The following SYNPR variants were observed in gnomAD, a reference collection of about 807,000 sequenced individuals.
SYNPR encodes the protein synaptoporin.
Under a neutral mutation model 32.9 loss-of-function variants are expected in SYNPR, and 23 were observed. That is an observed-to-expected ratio of 0.70 (90% CI 0.50 to 0.99). The LOEUF (loss-of-function observed/expected upper bound fraction) is 0.99. Among genes scored for constraint, SYNPR ranks in the 50% least tolerant of loss-of-function variants. The probability of loss-of-function intolerance (pLI) is 0.00; values close to 1 mark genes in which losing one functional copy is unlikely to be tolerated. For synonymous variants in SYNPR, 146 were observed against 135.9 expected, an observed-to-expected ratio of 1.07 and a Z score of -0.52; for missense variants, 318 against 349.3, an observed-to-expected ratio of 0.91 and a Z score of 0.71.
At chr3:63,206,512 G>C in the SYNPR span, among the ~76,000 whole-genome samples, 3 of 151,910 alleles carry the variant, frequency 2.0e-5, no homozygotes, top group Admixed American at 2.0e-4. Context: ...AGTGAGCTGA[G>C]ATCACACCAC....
intron 3 of SYNPR, among the ~76,000 whole-genome samples, chr3:63,497,186 C>G (rs1455967103): frequency 6.6e-6 from 1 of 152,102 alleles, no homozygotes; most frequent in Non-Finnish European, 1.5e-5. Flanking sequence ...CCCAAATTAA[C>G]AAATTAATAT....
At chr3:63,394,412 C>G (rs2088186222) in intron 2 of SYNPR, among the ~76,000 whole-genome samples, 1 of 152,136 alleles carries the variant, frequency 6.6e-6, no homozygotes, top group Admixed American at 6.5e-5. Flanking sequence ...CTAGAAAAAT[C>G]AGACAGCTCC....
intron 2 of SYNPR, among the ~76,000 whole-genome samples, chr3:63,453,563 A>G (rs1700422436): frequency 6.6e-6 from 1 of 152,168 alleles, no homozygotes; most frequent in Admixed American, 6.6e-5. Flanking sequence ...ATCTGGGATA[A>G]GGATGCAATA....
At chr3:63,456,956 G>A (rs960642145) in intron 2 of SYNPR, among the ~76,000 whole-genome samples, 1 of 152,072 alleles carries the variant, frequency 6.6e-6, no homozygotes, top group African/African-American at 2.4e-5. Context: ...ATCAGAGTTG[G>A]TGGGTCCAGA....
intron 2 of SYNPR, among the ~76,000 whole-genome samples, chr3:63,470,881 C>T (rs1236610791): frequency 4.6e-5 from 7 of 152,192 alleles, no homozygotes; most frequent in Non-Finnish European, 1.0e-4. Context: ...CTCTAGACTT[C>T]CTGATATGTG....
In SYNPR at chr3:63,476,236, GAAGGA is replaced by G. The variant is rs1171195312; in HGVS notation, c.85-4590_85-4586del. Among the ~76,000 whole-genome samples the G allele has an allele frequency of 2.1e-3, 193 of 93,982 alleles. 13 individuals are homozygous for G. The highest frequency in any genetic ancestry group is 3.2e-3 in the African/African-American group (73 of 22,630). 61.7% of individuals were successfully genotyped at this position (93,982 alleles called of 152,430 possible). A position where few individuals can be genotyped will look rare whatever the true frequency, so the allele number is the denominator to read the frequency against. On this transcript the variant is annotated intron_variant, in intron 2 of 5. Coordinates refer to ENST00000478300, the MANE Select transcript of SYNPR (RefSeq NM_001130003.2). ...AAGGAGGGAAGGGAAGGGAAGGAAG[GAAGGA>G]AAGGAGGGAGAGAAGAAGGAAGGAA...
upstream of SYNPR, among the ~76,000 whole-genome samples, chr3:63,223,473 T>G (rs2086105355): frequency 6.6e-6 from 1 of 151,928 alleles, no homozygotes; most frequent in Admixed American, 6.6e-5. Context: ...GGAGACGGGC[T>G]TGGTACCAGC....
intron 4 of SYNPR, among the ~76,000 whole-genome samples, chr3:63,578,804 A>G (rs1703038155): frequency 6.6e-6 from 1 of 152,170 alleles, no homozygotes; most frequent in Non-Finnish European, 1.5e-5. Context: ...CCTGCATGGC[A>G]GAACTTGTAG....
intron 2 of SYNPR, among the ~76,000 whole-genome samples, chr3:63,457,854 A>G (rs1335082379): frequency 6.6e-6 from 1 of 152,112 alleles, no homozygotes; most frequent in African/African-American, 2.4e-5. Flanking sequence ...CTACATGATT[A>G]CCTTAATCTT....
chr3:63,411,528 T>C (rs1410648911), intron 2 of SYNPR, among the ~76,000 whole-genome samples: 1 of 152,128 alleles, frequency 6.6e-6, no homozygotes, highest in Non-Finnish European at 1.5e-5. Context: ...AAGAAAGTTA[T>C]ATACACATAA....
At chr3:63,568,428 C>A (rs558065107) in intron 4 of SYNPR, among the ~76,000 whole-genome samples, 1 of 152,198 alleles carries the variant, frequency 6.6e-6, no homozygotes, top group East Asian at 1.9e-4. Flanking sequence ...AGGTGGGGGA[C>A]ACAGTAGCAA....
At chr3:63,299,801 G>T (rs1366555785) in intron 2 of SYNPR, among the ~76,000 whole-genome samples, 1 of 152,116 alleles carries the variant, frequency 6.6e-6, no homozygotes, top group Non-Finnish European at 1.5e-5. Flanking sequence ...TGTAATCAAT[G>T]CTGACTCACA....
intron 2 of SYNPR, chr3:63,267,200 GAGAGT>G (rs1440287409): frequency 6.6e-6 from 1 of 152,150 alleles, no homozygotes; most frequent in Non-Finnish European, 1.5e-5. Context: ...CTAATCAAAG[GAGAGT>G]TGGAAAGTCT....
chr3:63,264,747 G>T (rs1393007801), intron 2 of SYNPR, among the ~76,000 whole-genome samples: 3 of 152,172 alleles, frequency 2.0e-5, no homozygotes, highest in Non-Finnish European at 4.4e-5. Context: ...GGCTGTGGAG[G>T]CCTCAGGAAA....
At chr3:63,281,686 C>A (rs1272549069) in intron 2 of SYNPR, among the ~76,000 whole-genome samples, 2 of 152,150 alleles carry the variant, frequency 1.3e-5, no homozygotes, top group Non-Finnish European at 2.9e-5. Context: ...AGGCCCCACC[C>A]CCTAAGACCA....
At chr3:63,313,758 C>T (rs1486666275) in intron 2 of SYNPR, among the ~76,000 whole-genome samples, 2 of 9,070 alleles carry the variant, frequency 2.2e-4, no homozygotes, top group African/African-American at 4.9e-4. Flanking sequence ...TATATATATC[C>T]ATATATATAT....
intron 2 of SYNPR, among the ~76,000 whole-genome samples, chr3:63,339,249 T>C (rs1019796619): frequency 1.6e-4 from 25 of 152,326 alleles, no homozygotes; most frequent in African/African-American, 5.8e-4. Context: ...GCACAAGTAG[T>C]AAACAAAGAG....
intron 2 of SYNPR, among the ~76,000 whole-genome samples, chr3:63,379,692 T>C (rs1243325891): frequency 6.6e-6 from 1 of 151,964 alleles, no homozygotes; most frequent in Non-Finnish European, 1.5e-5. Flanking sequence ...TTGCTTTCTT[T>C]TTTTTATTAT....
intron 2 of SYNPR, among the ~76,000 whole-genome samples, chr3:63,462,742 C>CTTTCCATCT (rs1225605214): frequency 6.6e-6 from 1 of 152,134 alleles, no homozygotes; most frequent in Non-Finnish European, 1.5e-5. Flanking sequence ...GAGATGAAAA[C>CTTTCCATCT]ATTAGACTGG....
Sources: allele counts gnomAD v4.1 joint callset (sites outside exome capture counted in the v4.1 genomes callset), GRCh38; gene constraint gnomAD v4.1.1; transcripts MANE v1.5; gene names NCBI Gene and HGNC (gene_info 2026-07-23, HGNC 2026-07-21).